PDE3A: variants seen among roughly 807,000 people sequenced by gnomAD.
PDE3A encodes phosphodiesterase 3A, also known as cGMP-inhibited 3',5'-cyclic phosphodiesterase 3A.
PDE3A carries 43 observed loss-of-function variants against 98.3 expected under a neutral mutation model. The observed-to-expected ratio is 0.44, with a 90% CI of 0.34 to 0.56. The LOEUF (loss-of-function observed/expected upper bound fraction) is 0.56. Among genes scored for constraint, PDE3A ranks in the 20% least tolerant of loss-of-function variants. The pLI is 0.01. For missense variants in PDE3A, 1,427 were observed against 1,440.7 expected, an observed-to-expected ratio of 0.99 and a Z score of 0.15; for synonymous variants, 663 against 567.9, an observed-to-expected ratio of 1.17 and a Z score of -2.38.
chr12:20,525,474 G>C (rs148247441), intron 1 of PDE3A, among the ~76,000 whole-genome samples: 1 of 146,988 alleles, frequency 6.8e-6, no homozygotes, highest in Non-Finnish European at 1.5e-5. Flanking sequence ...GGTTGGGGGG[G>C]GGGGCTTTTG....
intron 1 of PDE3A, among the ~76,000 whole-genome samples, chr12:20,419,738 ATT>A (rs34873079): frequency 2.3e-5 from 3 of 132,668 alleles, no homozygotes; most frequent in Non-Finnish European, 3.1e-5. Context: ...TTAATATTGT[ATT>A]TTTTTTTTTT....
chr12:20,460,778 A>G (rs6487092), intron 1 of PDE3A, among the ~76,000 whole-genome samples: 127,022 of 152,096 alleles, frequency 0.84, 53,188 homozygotes, highest in East Asian at 0.98. Context: ...AGGGAAGTGG[A>G]ACTTGGCGAT....
chr12:20,537,862 A>C lies in PDE3A; in HGVS notation c.961-18798A>C, dbSNP rs926382799. ...TGCCTTTGTTCTTAAAAAAAAAAAA[A>C]AAAAACTTGTGAGAGTCTTTTTAAA... On this transcript the variant is annotated intron_variant, in intron 1 of 15. Transcript: ENST00000359062. 9.2e-5 allele frequency among the ~76,000 whole-genome samples: 14 copies of C among 152,078 alleles called. 1 individual carries two copies. Among genetic ancestry groups the C allele is most frequent in the African/African-American group, 3.1e-4 (13 of 41,442 alleles).
intron 1 of PDE3A, chr12:20,450,049 C>T (rs1481753240): frequency 1.6e-5 from 10 of 612,874 alleles, no homozygotes; most frequent in Admixed American, 6.7e-5. Flanking sequence ...TCCACAATTG[C>T]ATATTTCTTC....
intron 14 of PDE3A, among the ~76,000 whole-genome samples, chr12:20,652,399 T>G (rs1202238829): frequency 6.6e-6 from 1 of 152,174 alleles, no homozygotes; most frequent in Non-Finnish European, 1.5e-5. Context: ...TGTAAAAGTG[T>G]TCCTATTTCT....
At position 20,416,014 on chromosome 12, in the gene PDE3A, A is replaced by G. The variant is rs570526720; in HGVS notation, c.960+45770A>G. On this transcript the variant is annotated intron_variant, in intron 1 of 15. Coordinates refer to ENST00000359062, the MANE Select transcript of PDE3A (RefSeq NM_000921.5). ...GCCTTTTGAAACTTTGATCCTGAAG[A>G]CGTCGTTTTGGTAGATCTAAAATGA... Among the ~76,000 whole-genome samples the G allele has an allele frequency of 2.0e-5, 3 of 152,308 alleles. No homozygotes were observed. In the East Asian group the frequency reaches 5.8e-4, roughly 29 times the overall value.
At chr12:20,473,361 T>C (rs891826463) in intron 1 of PDE3A, among the ~76,000 whole-genome samples, 15 of 152,128 alleles carry the variant, frequency 9.9e-5, no homozygotes, top group African/African-American at 2.9e-4. Context: ...TCTAATTCAG[T>C]AGATTAGAGT....
intron 1 of PDE3A, among the ~76,000 whole-genome samples, chr12:20,481,463 G>A (rs1591975840): frequency 6.6e-6 from 1 of 152,188 alleles, no homozygotes; most frequent in Non-Finnish European, 1.5e-5. Context: ...CGTTGTTGTT[G>A]TTGTTGTTAT....
At chr12:20,470,318 T>G (rs1288910367) in intron 1 of PDE3A, among the ~76,000 whole-genome samples, 1 of 152,114 alleles carries the variant, frequency 6.6e-6, no homozygotes, top group Non-Finnish European at 1.5e-5. Context: ...TGACTTGAGG[T>G]GGAATACTAT....
chr12:20,379,752 A>G (rs932081894), intron 1 of PDE3A, among the ~76,000 whole-genome samples: 1 of 151,898 alleles, frequency 6.6e-6, no homozygotes, highest in Non-Finnish European at 1.5e-5. Flanking sequence ...ACTATCAACA[A>G]AGCTATACAT....
intron 1 of PDE3A, among the ~76,000 whole-genome samples, chr12:20,453,744 G>A (rs1031065077): frequency 1.3e-5 from 2 of 152,074 alleles, no homozygotes; most frequent in Non-Finnish European, 2.9e-5. Context: ...CAGTTGCTCC[G>A]AGTCTCCCTT....
chr12:20,510,644 G>GT, intron 1 of PDE3A, among the ~76,000 whole-genome samples: 1 of 151,962 alleles, frequency 6.6e-6, no homozygotes, highest in South Asian at 2.1e-4. Context: ...AAAAGGGAGT[G>GT]TAACTCCCAG....
chr12:20,661,781 A>G (rs1945176218), intron 15 of PDE3A, among the ~76,000 whole-genome samples: 1 of 152,166 alleles, frequency 6.6e-6, no homozygotes, highest in African/African-American at 2.4e-5. Flanking sequence ...ATCAGGCAGA[A>G]GTTTGCTGCA....
intron 1 of PDE3A, among the ~76,000 whole-genome samples, chr12:20,385,244 A>G (rs943564327): frequency 4.6e-5 from 7 of 152,018 alleles, no homozygotes; most frequent in East Asian, 1.9e-4. Context: ...ATGAGATACC[A>G]TCTCACACCA....
chr12:20,417,194 A>G (rs1591908860), intron 1 of PDE3A, among the ~76,000 whole-genome samples: 1 of 152,186 alleles, frequency 6.6e-6, no homozygotes, highest in African/African-American at 2.4e-5. Context: ...TATTTATGTG[A>G]CATTATGTGG....
At chr12:20,523,633 C>T (rs1946468015) in intron 1 of PDE3A, among the ~76,000 whole-genome samples, 1 of 152,086 alleles carries the variant, frequency 6.6e-6, no homozygotes, top group Non-Finnish European at 1.5e-5. Context: ...TGTCCTAGAC[C>T]TTGATATTTT....
intron 1 of PDE3A, among the ~76,000 whole-genome samples, chr12:20,510,883 G>A (rs1259632886): frequency 6.6e-6 from 1 of 152,008 alleles, no homozygotes; most frequent in Admixed American, 6.6e-5. Context: ...TCATTCATTT[G>A]CTCAAAAAAA....
chr12:20,376,841 C>T (rs1428223213), intron 1 of PDE3A, among the ~76,000 whole-genome samples: 1 of 151,618 alleles, frequency 6.6e-6, no homozygotes, highest in Non-Finnish European at 1.5e-5. Context: ...ATTACCATTT[C>T]GAAGATGGAA....
chr12:20,589,881 A>G (rs1490880751), intron 2 of PDE3A, among the ~76,000 whole-genome samples: 2 of 151,716 alleles, frequency 1.3e-5, no homozygotes, highest in Non-Finnish European at 2.9e-5. Context: ...AAAAAAAAAA[A>G]AAAAAAAAGA....
Sources: allele counts gnomAD v4.1 joint callset (sites outside exome capture counted in the v4.1 genomes callset), GRCh38; gene constraint gnomAD v4.1.1; transcripts MANE v1.5; gene names NCBI Gene and HGNC (gene_info 2026-07-23, HGNC 2026-07-21).